Variants in RBFOX1 observed in about 807,000 individuals in gnomAD.
RBFOX1 encodes the protein RNA binding fox-1 homolog 1.
Under a neutral mutation model 57.7 loss-of-function variants are expected in RBFOX1, and 8 were observed. That is an observed-to-expected ratio of 0.14 (90% CI 0.08 to 0.25). The LOEUF (loss-of-function observed/expected upper bound fraction) is 0.25, where lower values mean the gene tolerates loss of function less well. RBFOX1 is among the 10% of genes least tolerant of loss of function. The probability of loss-of-function intolerance (pLI) is 1.00; values close to 1 mark genes in which losing one functional copy is unlikely to be tolerated. For synonymous variants in RBFOX1, 326 were observed against 222.4 expected (o/e 1.47, Z -4.15); for missense variants, 611 against 548.5 (o/e 1.11, Z -1.14).
chr16:6,877,758 T>A (rs8063801), intron 3 of RBFOX1, among the ~76,000 whole-genome samples: 1 of 151,958 alleles, frequency 6.6e-6, no homozygotes, highest in African/African-American at 2.4e-5. Flanking sequence ...GTAGGACTTT[T>A]AAATTGTATA....
intron 3 of RBFOX1, among the ~76,000 whole-genome samples, chr16:5,736,245 T>A (rs1047449996): frequency 2.0e-5 from 3 of 152,178 alleles, no homozygotes; most frequent in Admixed American, 6.5e-5. Context: ...CCTGGAGACA[T>A]ACCAGGACAT....
intron 1 of RBFOX1, among the ~76,000 whole-genome samples, chr16:5,279,047 C>T (rs28868322): frequency 0.32 from 48,952 of 151,898 alleles, 7,925 homozygotes; most frequent in Non-Finnish European, 0.33. Flanking sequence ...GTTCTTTTTG[C>T]TCAGTATTGC....
chr16:7,005,087 T>C (rs1295903264), intron 3 of RBFOX1, among the ~76,000 whole-genome samples: 1 of 152,128 alleles, frequency 6.6e-6, no homozygotes, highest in Non-Finnish European at 1.5e-5. Context: ...GAAGTTGCAG[T>C]CAGCTGAGAT....
intron 2 of RBFOX1, among the ~76,000 whole-genome samples, chr16:6,608,520 G>C (rs2097982335): frequency 6.6e-6 from 1 of 152,166 alleles, no homozygotes; most frequent in Admixed American, 6.6e-5. Flanking sequence ...CAGGTATGGT[G>C]GCTCACATGT....
intron 3 of RBFOX1, among the ~76,000 whole-genome samples, chr16:6,946,445 C>G (rs921103271): frequency 6.6e-6 from 1 of 152,150 alleles, no homozygotes; most frequent in Non-Finnish European, 1.5e-5. Context: ...AAGCTGTTAC[C>G]CACTATGGTA....
intron 2 of RBFOX1, among the ~76,000 whole-genome samples, chr16:6,349,945 C>A (rs2086007362): frequency 6.6e-6 from 1 of 152,134 alleles, no homozygotes; most frequent in Non-Finnish European, 1.5e-5. Context: ...AGCTTAACTG[C>A]TGGAGATTTC....
intron 3 of RBFOX1, among the ~76,000 whole-genome samples, chr16:5,730,783 A>G (rs77436978): frequency 6.0e-5 from 9 of 150,036 alleles, no homozygotes; most frequent in African/African-American, 1.5e-4. Flanking sequence ...ATTGTCACCA[A>G]TGTTAACACC....
intron 8 of RBFOX1, 192 bp from the exon 9 acceptor site, chr16:7,597,179 A>T (rs769884742): frequency 4.2e-6 from 2 of 473,784 alleles, no homozygotes; most frequent in Non-Finnish European, 7.4e-6. Context: ...TTGTAAGTTA[A>T]ACGGTTATGA....
intron 3 of RBFOX1, among the ~76,000 whole-genome samples, chr16:5,703,609 G>A (rs990514618): frequency 2.0e-5 from 3 of 152,186 alleles, no homozygotes; most frequent in African/African-American, 7.2e-5. Flanking sequence ...AGAGACTCTG[G>A]AGTCAGGATG....
chr16:7,165,933 T>TACACACACACAC (rs889669390), intron 4 of RBFOX1, among the ~76,000 whole-genome samples: 316 of 143,250 alleles, frequency 2.2e-3, no homozygotes, highest in Middle Eastern at 7.4e-3. Flanking sequence ...CGCATGCACA[T>TACACACACACAC]ACACACACAC....
chr16:5,503,538 G>T (rs559762744), intron 2 of RBFOX1, among the ~76,000 whole-genome samples: 1 of 152,160 alleles, frequency 6.6e-6, no homozygotes, highest in Non-Finnish European at 1.5e-5. Flanking sequence ...CTACCTCCTG[G>T]GTTCAAGCGA....
At chr16:5,806,035 G>A (rs959341562) in intron 3 of RBFOX1, among the ~76,000 whole-genome samples, 7 of 152,190 alleles carry the variant, frequency 4.6e-5, no homozygotes, top group Admixed American at 6.5e-5. Context: ...CATTCCCATT[G>A]GGAGTGAGGA....
At chr16:7,174,005 A>G (rs530363504) in intron 4 of RBFOX1, among the ~76,000 whole-genome samples, 1 of 152,302 alleles carries the variant, frequency 6.6e-6, no homozygotes, top group East Asian at 1.9e-4. Context: ...AATCACAGTG[A>G]ACTGGTTGGA....
At chr16:6,308,346 G>C (rs1275966086) in intron 1 of RBFOX1, among the ~76,000 whole-genome samples, 1 of 152,158 alleles carries the variant, frequency 6.6e-6, no homozygotes, top group African/African-American at 2.4e-5. Flanking sequence ...CCATGTTCTT[G>C]AGCTTGCAAG....
chr16:7,041,616 G>A (rs533863059), intron 3 of RBFOX1, among the ~76,000 whole-genome samples: 5 of 152,198 alleles, frequency 3.3e-5, no homozygotes, highest in East Asian at 3.9e-4. Context: ...CTGCCCCCTC[G>A]AAACAGTCAG....
chr16:7,429,014 A>T (rs2098652153), intron 4 of RBFOX1, among the ~76,000 whole-genome samples: 1 of 152,140 alleles, frequency 6.6e-6, no homozygotes, highest in Non-Finnish European at 1.5e-5. Flanking sequence ...GTTGTCCTTG[A>T]TTCTACTGTG....
intron 3 of RBFOX1, among the ~76,000 whole-genome samples, chr16:6,794,674 T>C (rs190819304): frequency 3.3e-5 from 5 of 152,308 alleles, no homozygotes; most frequent in African/African-American, 9.6e-5. Flanking sequence ...CCATCACTTA[T>C]GGTTCCAATG....
At chr16:6,566,004 A>G (rs1567706254) in intron 2 of RBFOX1, among the ~76,000 whole-genome samples, 1 of 152,276 alleles carries the variant, frequency 6.6e-6, no homozygotes, top group East Asian at 1.9e-4. Flanking sequence ...TTTGTTCTTC[A>G]TGCAGGGTCA....
chr16:7,339,334 A>G (rs771358005), intron 4 of RBFOX1, among the ~76,000 whole-genome samples: 1 of 152,228 alleles, frequency 6.6e-6, no homozygotes, highest in Non-Finnish European at 1.5e-5. Flanking sequence ...CACACTCTAG[A>G]TCTCTTCCAA....
Sources: allele counts gnomAD v4.1 joint callset (sites outside exome capture counted in the v4.1 genomes callset), GRCh38; gene constraint gnomAD v4.1.1; transcripts MANE v1.5; gene names NCBI Gene and HGNC (gene_info 2026-07-23, HGNC 2026-07-21).